The following CBFA2T3 variants were observed in gnomAD, a reference collection of about 807,000 sequenced individuals.
CBFA2T3 encodes transcriptional corepressor CBFA2T3.
Under a neutral mutation model 58.6 loss-of-function variants are expected in CBFA2T3, and 31 were observed. The observed-to-expected ratio is 0.53, with a 90% CI of 0.40 to 0.71. The LOEUF is 0.71. CBFA2T3 is among the 30% of genes least tolerant of loss of function. The pLI, the probability that CBFA2T3 is intolerant of heterozygous loss-of-function variation, is 0.00. For missense variants in CBFA2T3, 1,076 were observed against 963.1 expected (o/e 1.12, Z -1.55); for synonymous variants, 531 against 421.9 (o/e 1.26, Z -3.17).
At chr16:88,950,946 C>A (rs1972052427) in intron 1 of CBFA2T3, 1 of 420,386 alleles carries the variant, frequency 2.4e-6, no homozygotes, top group African/African-American at 2.7e-5. Context: ...CACCCGTCCC[C>A]TGGACCGGCA....
chr16:88,895,952 G>A (rs993240902), intron 3 of CBFA2T3, among the ~76,000 whole-genome samples: 1 of 152,190 alleles, frequency 6.6e-6, no homozygotes, highest in African/African-American at 2.4e-5. Flanking sequence ...GGGCTCCAGG[G>A]ACCAGAGGAC....
At chr16:88,925,119 C>T (rs964780507) in intron 1 of CBFA2T3, among the ~76,000 whole-genome samples, 9 of 152,260 alleles carry the variant, frequency 5.9e-5, no homozygotes, top group Non-Finnish European at 5.9e-5. Context: ...TCGTCCTGGA[C>T]ACCGAGCTCG....
chr16:88,898,578 C>T (rs902006661), intron 2 of CBFA2T3, among the ~76,000 whole-genome samples: 2 of 152,246 alleles, frequency 1.3e-5, no homozygotes, highest in Non-Finnish European at 2.9e-5. Context: ...TTGTTTTCAT[C>T]GTCCTCTTCC....
At chr16:88,937,184 G>C (rs1209730025) in intron 1 of CBFA2T3, 1 of 152,296 alleles carries the variant, frequency 6.6e-6, no homozygotes, top group Non-Finnish European at 1.5e-5. Flanking sequence ...CTCTGCCCAG[G>C]AAAGTCAGGA....
At chr16:88,969,048 G>A (rs1972583815) in intron 1 of CBFA2T3, among the ~76,000 whole-genome samples, 1 of 152,196 alleles carries the variant, frequency 6.6e-6, no homozygotes, top group African/African-American at 2.4e-5. Context: ...GCGGCCTGGT[G>A]CCCCCGTTTT....
intron 1 of CBFA2T3, among the ~76,000 whole-genome samples, chr16:88,925,552 G>A (rs1268245633): frequency 1.3e-5 from 2 of 152,200 alleles, no homozygotes; most frequent in Admixed American, 1.3e-4. Context: ...AGGGTGGCAG[G>A]CGGGACAGGC....
At position 88,958,788 on chromosome 16, in the gene CBFA2T3, C is replaced by T. The variant is rs1448145168; in HGVS notation, c.151+17869G>A. ...AGCGTAGCCCAGGTCTGCGCTGGCT[C>T]TGGGCTCTTCCCGCTGCAGGTGTGG... On this transcript the variant is annotated intron_variant, in intron 1 of 11. Transcript: ENST00000268679. This position sits in a 1 kb window ranked among gnomAD's most constrained non-coding sequence, Gnocchi z 4.0. 6.6e-6 allele frequency among the ~76,000 whole-genome samples: 1 copy of T among 152,108 alleles called. No individual in the cohort carries two copies. Among genetic ancestry groups the T allele is most frequent in the African/African-American group, 2.4e-5 (1 of 41,430 alleles).
rs528036215 is a variant in CBFA2T3, at chr16:88,953,057, G to A, written c.151+23600C>T. Among the ~76,000 whole-genome samples the A allele has an allele frequency of 1.4e-4, 21 of 152,168 alleles. No individual in the cohort carries two copies. The highest frequency in any genetic ancestry group is 2.6e-4 in the Non-Finnish European group (18 of 68,030). ...TGAGCAGATGATCTAATGAGTGACC[G>A]TCCTCACCCACGAGAAAAAACACAA... On this transcript the variant is annotated intron_variant, in intron 1 of 11. Transcript: ENST00000268679. This position sits in a 1 kb window ranked among gnomAD's most constrained non-coding sequence, Gnocchi z 4.9.
intron 1 of CBFA2T3, chr16:88,936,937 C>T (rs962187001): frequency 2.6e-5 from 4 of 152,256 alleles, no homozygotes; most frequent in African/African-American, 9.6e-5. Flanking sequence ...TCCTCATCGT[C>T]AGTTTCCAGC....
chr16:88,907,515 G>A (rs911265488), intron 1 of CBFA2T3, among the ~76,000 whole-genome samples: 10 of 151,930 alleles, frequency 6.6e-5, no homozygotes, highest in African/African-American at 1.5e-4. Context: ...CTGTCCTCAC[G>A]GATTCTTCCG....
intron 1 of CBFA2T3, among the ~76,000 whole-genome samples, chr16:88,912,021 G>A (rs62045793): frequency 0.03 from 4,637 of 152,364 alleles, 102 homozygotes; most frequent in Middle Eastern, 0.065. Context: ...CAGAGGTCCC[G>A]TCTGTCACAG....
chr16:88,918,284 C>T (rs1363453243), intron 1 of CBFA2T3, among the ~76,000 whole-genome samples: 1 of 152,270 alleles, frequency 6.6e-6, no homozygotes, highest in Non-Finnish European at 1.5e-5. Flanking sequence ...CCTCCCTGAT[C>T]CCTGCAGGCC....
intron 1 of CBFA2T3, among the ~76,000 whole-genome samples, chr16:88,926,598 G>A (rs1435077234): frequency 6.6e-6 from 1 of 152,210 alleles, no homozygotes; most frequent in East Asian, 1.9e-4. Context: ...TTTGTGTCAG[G>A]ACAGCGTGGG....
intron 1 of CBFA2T3, among the ~76,000 whole-genome samples, chr16:88,941,379 T>A (rs1468230327): frequency 7.0e-6 from 1 of 142,784 alleles, no homozygotes; most frequent in East Asian, 2.1e-4. Flanking sequence ...CCCCGCGCGC[T>A]CCGCCTCCGC....
At chr16:88,932,274 C>T (rs986539723) in intron 1 of CBFA2T3, among the ~76,000 whole-genome samples, 18 of 149,762 alleles carry the variant, frequency 1.2e-4, no homozygotes, top group Non-Finnish European at 1.9e-4. Context: ...TTCCCCATCC[C>T]GGAAAACAGG....
chr16:88,929,843 C>G (rs1971225668), intron 1 of CBFA2T3, among the ~76,000 whole-genome samples: 1 of 151,034 alleles, frequency 6.6e-6, no homozygotes, highest in Admixed American at 6.6e-5. Context: ...GCTGCATCAT[C>G]CACGCAAAAG....
chr16:88,882,744 G>A lies in CBFA2T3; in HGVS notation c.1135C>T (p.Gln379Ter). 1 of 1,582,392 alleles carries A rather than the reference G, an allele frequency of 6.3e-7. No homozygotes were observed. Among genetic ancestry groups the A allele is most frequent in the Non-Finnish European group, 8.6e-7 (1 of 1,164,100 alleles). The change falls in exon 8 of 12, where the codon CAG (glutamine) becomes TAG (stop). Residue 379 changes from glutamine (Q) to a stop codon, truncating the protein, a stop_gained. Coordinates refer to ENST00000268679, the MANE Select transcript of CBFA2T3 (RefSeq NM_005187.6). LOFTEE classifies it high-confidence loss of function. ...HRPLVVPGSR[Q>*]EEVIDHKLTE... ...AGCTTGTGGTCGATCACTTCTTCCT[G>A]CCGGGACCCAGGCACCACTGTGGAT...
At chr16:88,942,459 T>C (rs1192724834) in intron 1 of CBFA2T3, among the ~76,000 whole-genome samples, 1 of 152,188 alleles carries the variant, frequency 6.6e-6, no homozygotes, top group Non-Finnish European at 1.5e-5. Flanking sequence ...TATAAAAATA[T>C]GGCAACGTGC....
intron 1 of CBFA2T3, chr16:88,937,761 G>C (rs928902389): frequency 6.6e-6 from 1 of 152,262 alleles, no homozygotes; most frequent in South Asian, 2.1e-4. Context: ...GTAGGTGTTC[G>C]ATCAATACTT....
Sources: gnomAD v4.1 joint callset for allele counts (sites outside exome capture counted in the v4.1 genomes callset) on GRCh38, gnomAD v4.1.1 for gene constraint, Gnocchi (gnomAD v3.1) non-coding constraint, MANE v1.5 for transcripts, NCBI Gene and HGNC (gene_info 2026-07-23, HGNC 2026-07-21) for gene names.